Variants in GNAQ observed in about 807,000 individuals in gnomAD.
GNAQ encodes the protein G protein subunit alpha q.
A neutral mutation model predicts 43.9 loss-of-function variants in GNAQ; 8 were observed. The observed-to-expected ratio is 0.18, with a 90% CI of 0.11 to 0.33. The LOEUF (loss-of-function observed/expected upper bound fraction) is 0.33, where lower values mean the gene tolerates loss of function less well. GNAQ is among the 10% of genes least tolerant of loss of function. GNAQ has a pLI of 1.00. For missense variants in GNAQ, 158 were observed against 450.8 expected, an observed-to-expected ratio of 0.35 and a Z score of 5.88; for synonymous variants, 155 against 170.7, an observed-to-expected ratio of 0.91 and a Z score of 0.71.
rs549783001 is a variant in GNAQ at position 77,828,189 on chromosome 9, T to C, written c.322-12419A>G. Among the ~76,000 whole-genome samples the C allele has an allele frequency of 1.7e-4, 26 of 151,640 alleles. 1 individual carries two copies. The South Asian group carries it at 3.3e-3, about 19-fold the overall frequency. ...TTCTGAATCCTTTACCTGGGTTAAT[T>C]ATCATTTCATGAAAATGTTCTTCTC... On this transcript the variant is annotated intron_variant, in intron 2 of 6. Transcript: ENST00000286548.
chr9:77,834,577 T>C (rs193189663), intron 2 of GNAQ, among the ~76,000 whole-genome samples: 199 of 152,312 alleles, frequency 1.3e-3, no homozygotes, highest in Non-Finnish European at 2.3e-3. Context: ...TCTATAAACC[T>C]GATTGATTTT....
chr9:77,790,408 T>C (rs1826549402), intron 5 of GNAQ, among the ~76,000 whole-genome samples: 1 of 152,186 alleles, frequency 6.6e-6, no homozygotes, highest in Non-Finnish European at 1.5e-5. Context: ...TGTTCAAATT[T>C]TGATTGCAGC....
rs1564171790 is a variant in GNAQ at position 77,988,734 on chromosome 9, C to A, written c.136+42366G>T. Among the ~76,000 whole-genome samples the A allele has an allele frequency of 3.3e-5, 5 of 152,298 alleles. No individual in the cohort carries two copies. The East Asian group carries it at 9.7e-4, about 29-fold the overall frequency. On this transcript the variant is annotated intron_variant, in intron 1 of 6. Coordinates refer to ENST00000286548, the MANE Select transcript of GNAQ (RefSeq NM_002072.5). ...AGAAGACTCAAGGCTTTGTCAAACA[C>A]ATGTTATAAAAGGTCAATGAAGACA...
intron 5 of GNAQ, among the ~76,000 whole-genome samples, chr9:77,742,351 A>C (rs1825665727): frequency 6.6e-6 from 1 of 152,196 alleles, no homozygotes; most frequent in African/African-American, 2.4e-5. Flanking sequence ...TTTAGGAAGA[A>C]CTACGCATTT....
intron 5 of GNAQ, among the ~76,000 whole-genome samples, chr9:77,750,749 A>C (rs1291138809): frequency 6.6e-6 from 1 of 152,094 alleles, no homozygotes; most frequent in Non-Finnish European, 1.5e-5. Flanking sequence ...TTTCTTTGTA[A>C]TTGGTCATGT....
chr9:77,842,116 T>C (rs1827501644), intron 2 of GNAQ, among the ~76,000 whole-genome samples: 1 of 152,230 alleles, frequency 6.6e-6, no homozygotes, highest in Non-Finnish European at 1.5e-5. Flanking sequence ...AGAAATTATA[T>C]TAAGGTGAAC....
intron 2 of GNAQ, among the ~76,000 whole-genome samples, chr9:77,829,246 A>C (rs1827258388): frequency 2.0e-5 from 3 of 152,232 alleles, no homozygotes; most frequent in African/African-American, 7.2e-5. Flanking sequence ...CTTACATGAA[A>C]GCTACGAATG....
chr9:77,995,639 G>C (rs1355809173), intron 1 of GNAQ, among the ~76,000 whole-genome samples: 1 of 151,774 alleles, frequency 6.6e-6, no homozygotes, highest in African/African-American at 2.4e-5. Context: ...CTAACTACTC[G>C]GCTAATTTTT....
rs998807911 is a variant in GNAQ, at chr9:77,749,666, T to C, written c.736-20999A>G. 2.6e-5 allele frequency among the ~76,000 whole-genome samples: 4 copies of C among 152,294 alleles called. No individual in the cohort carries two copies. In the South Asian group the frequency reaches 8.3e-4, roughly 32 times the overall value. ...ATTGGTATTTCTCTAAAATAATGTTTTCAAACTAATGATAACAATCCACAG... is the reference window on the plus strand; with the variant it reads ...ATTGGTATTTCTCTAAAATAATGTTCTCAAACTAATGATAACAATCCACAG... On this transcript the variant is annotated intron_variant, in intron 5 of 6. Transcript: ENST00000286548.
At chr9:77,946,579 C>G (rs1035631744) in intron 1 of GNAQ, among the ~76,000 whole-genome samples, 2 of 152,174 alleles carry the variant, frequency 1.3e-5, no homozygotes, top group African/African-American at 4.8e-5. Context: ...CGTGCTCCAC[C>G]ACTGACTGCT....
At chr9:77,980,361 TA>T (rs1361767228) in intron 1 of GNAQ, among the ~76,000 whole-genome samples, 1 of 152,186 alleles carries the variant, frequency 6.6e-6, no homozygotes, top group Admixed American at 6.5e-5. Context: ...CAAGCTGTAG[TA>T]CTTACTCAGG....
At chr9:77,748,143 GAAATA>G (rs1327996220) in intron 5 of GNAQ, among the ~76,000 whole-genome samples, 2 of 152,080 alleles carry the variant, frequency 1.3e-5, no homozygotes, top group African/African-American at 2.4e-5. Context: ...ATTTTCAGAT[GAAATA>G]AAATCCAGTG....
intron 4 of GNAQ, 83 bp downstream of exon 4, chr9:77,797,437 C>T (rs950025124): frequency 2.0e-6 from 2 of 1,018,776 alleles, no homozygotes; most frequent in Middle Eastern, 3.0e-4. Context: ...GAAGCCTACA[C>T]ATGATTCCAG....
At chr9:78,023,494 A>G (rs1320669280) in intron 1 of GNAQ, among the ~76,000 whole-genome samples, 4 of 152,142 alleles carry the variant, frequency 2.6e-5, no homozygotes, top group African/African-American at 9.7e-5. Context: ...GGGGCTACAG[A>G]AATCACTGGT....
intron 5 of GNAQ, among the ~76,000 whole-genome samples, chr9:77,778,371 C>A (rs1007838978): frequency 6.6e-6 from 1 of 151,770 alleles, no homozygotes; most frequent in Non-Finnish European, 1.5e-5. Context: ...GAGTGTGGAC[C>A]TGGGTTAGTT....
chr9:77,737,443 T>G lies in GNAQ; in HGVS notation c.736-8776A>C, dbSNP rs146604125. 3.9e-5 allele frequency among the ~76,000 whole-genome samples: 6 copies of G among 152,364 alleles called. No homozygotes were observed. The East Asian group carries it at 1.2e-3, about 29-fold the overall frequency. On this transcript the variant is annotated intron_variant, in intron 5 of 6. Coordinates refer to ENST00000286548, the MANE Select transcript of GNAQ (RefSeq NM_002072.5). ...ATTCCTTCCAGCCTGAATCTCATGATGATCAATGCTTCCTACTTTACAAAC... is the reference window on the plus strand; with the variant it reads ...ATTCCTTCCAGCCTGAATCTCATGAGGATCAATGCTTCCTACTTTACAAAC...
At chr9:77,885,306 C>T (rs1179679945) in intron 2 of GNAQ, among the ~76,000 whole-genome samples, 1 of 152,170 alleles carries the variant, frequency 6.6e-6, no homozygotes, top group African/African-American at 2.4e-5. Flanking sequence ...TGAGACCAGC[C>T]AGGCACACAG....
At chr9:77,842,212 T>C (rs558127760) in intron 2 of GNAQ, among the ~76,000 whole-genome samples, 33 of 152,268 alleles carry the variant, frequency 2.2e-4, no homozygotes, top group African/African-American at 7.5e-4. Context: ...ACCCTAGCTA[T>C]TATTAGGAAA....
intron 3 of GNAQ, among the ~76,000 whole-genome samples, chr9:77,813,227 A>G (rs979966037): frequency 1.3e-5 from 2 of 152,142 alleles, no homozygotes; most frequent in African/African-American, 4.8e-5. Flanking sequence ...CCACATATAT[A>G]TAATTTAGAA....
Sources: gnomAD v4.1 joint callset for allele counts (sites outside exome capture counted in the v4.1 genomes callset) on GRCh38, gnomAD v4.1.1 for gene constraint, MANE v1.5 for transcripts, NCBI Gene and HGNC (gene_info 2026-07-23, HGNC 2026-07-21) for gene names.